Variants in CAMSAP2 observed in about 807,000 individuals in gnomAD.
CAMSAP2 encodes calmodulin regulated spectrin associated protein family member 2.
A neutral mutation model predicts 146.1 loss-of-function variants in CAMSAP2; 26 were observed. The ratio of observed to expected loss-of-function variants is 0.18; its 90% CI spans 0.13 to 0.25. The LOEUF is 0.25. Ranked by LOEUF, CAMSAP2 falls within the 10% of genes least tolerant of loss-of-function variation. The pLI is 1.00. For synonymous variants in CAMSAP2, 499 were observed against 596.6 expected (o/e 0.84, Z 2.38); for missense variants, 1,381 against 1,759.3 (o/e 0.78, Z 3.85).
intron 1 of CAMSAP2, among the ~76,000 whole-genome samples, chr1:200,747,822 C>T (rs1354707168): frequency 6.6e-6 from 1 of 151,794 alleles, no homozygotes; most frequent in Non-Finnish European, 1.5e-5. Context: ...CATCCCGGTA[C>T]TAAAAATACA....
intron 2 of CAMSAP2, among the ~76,000 whole-genome samples, chr1:200,806,890 C>T (rs1424259434): frequency 1.3e-5 from 2 of 151,850 alleles, no homozygotes; most frequent in Non-Finnish European, 2.9e-5. Context: ...AAGTTGGAGG[C>T]AGGAAAACCA....
At chr1:200,754,093 C>T (rs1664582009) in intron 1 of CAMSAP2, among the ~76,000 whole-genome samples, 1 of 152,222 alleles carries the variant, frequency 6.6e-6, no homozygotes, top group Non-Finnish European at 1.5e-5. Flanking sequence ...TTCCCAGTAC[C>T]TGCAAAATGT....
intron 3 of CAMSAP2, 113 bp from the exon 4 acceptor site, chr1:200,815,448 T>A (rs1666455433): frequency 2.1e-6 from 1 of 479,824 alleles, no homozygotes; most frequent in East Asian, 3.5e-5. Context: ...AGACTGATAT[T>A]TGACATCAGG....
intron 1 of CAMSAP2, among the ~76,000 whole-genome samples, chr1:200,746,573 G>A (rs1360223694): frequency 6.6e-6 from 1 of 152,012 alleles, no homozygotes; most frequent in African/African-American, 2.4e-5. Context: ...AGAGCTATAA[G>A]TGGTAATTAA....
At chr1:200,827,627 C>G (rs1462779434) in intron 4 of CAMSAP2, among the ~76,000 whole-genome samples, 1 of 152,006 alleles carries the variant, frequency 6.6e-6, no homozygotes, top group Non-Finnish European at 1.5e-5. Context: ...GTTTCTGATT[C>G]TTCAGGTGAC....
intron 1 of CAMSAP2, among the ~76,000 whole-genome samples, chr1:200,745,182 C>CCTGTGCATTCTAGG: frequency 6.6e-6 from 1 of 152,168 alleles, no homozygotes; most frequent in African/African-American, 2.4e-5. Flanking sequence ...TGGGGGCTGT[C>CCTGTGCATTCTAGG]CTGTGCATTC....
chr1:200,768,569 TAGG>T (rs1665023483), intron 2 of CAMSAP2, among the ~76,000 whole-genome samples: 1 of 152,146 alleles, frequency 6.6e-6, no homozygotes. Flanking sequence ...AGATACCACT[TAGG>T]AGGCTGTTGA....
chr1:200,754,809 C>G (rs1442889950), intron 1 of CAMSAP2, among the ~76,000 whole-genome samples: 1 of 152,096 alleles, frequency 6.6e-6, no homozygotes, highest in Non-Finnish European at 1.5e-5. Context: ...GTCTCTATCT[C>G]CTGACCTTGT....
intron 2 of CAMSAP2, among the ~76,000 whole-genome samples, chr1:200,791,060 G>T (rs191188985): frequency 6.6e-6 from 1 of 152,094 alleles, no homozygotes; most frequent in Non-Finnish European, 1.5e-5. Context: ...GGTCAGGCTG[G>T]TCTCGAATCC....
intron 2 of CAMSAP2, among the ~76,000 whole-genome samples, chr1:200,802,534 A>T (rs1299177788): frequency 6.6e-6 from 1 of 152,248 alleles, no homozygotes; most frequent in East Asian, 1.9e-4. Context: ...AATATGCAGT[A>T]TGTACCATTT....
intron 12 of CAMSAP2, 68 bp downstream of exon 12, chr1:200,852,745 T>C (rs890640768): frequency 6.6e-7 from 1 of 1,508,570 alleles, no homozygotes; most frequent in Non-Finnish European, 8.9e-7. Context: ...TTAGAAAAAG[T>C]TGGTAAGTAC....
intron 4 of CAMSAP2, among the ~76,000 whole-genome samples, chr1:200,817,828 TC>T (rs145801230): frequency 2.8e-3 from 425 of 152,356 alleles, no homozygotes; most frequent in African/African-American, 9.4e-3. Flanking sequence ...TTGTGCTTAA[TC>T]CTTCATTCTA....
rs776905776 is a variant in CAMSAP2 at position 200,849,466 on chromosome 1, A to G, written c.2697A>G (p.Gln899=). The G allele has an allele frequency of 5.6e-6, 9 of 1,614,114 alleles. No homozygotes were observed. Among genetic ancestry groups the G allele is most frequent in the Admixed American group, 1.7e-5 (1 of 60,010 alleles). ...TGCATTTTCTACAACAAGAAATGCA[A>G]CGCTTGTCACTTCAGCAGGAGATGT... The part of the protein sequence containing the change: ...SSLHFLQQEM[Q]RLSLQQEMLM... The change falls in exon 11 of 17, where the codon CAA becomes CAG. Residue 899 remains glutamine, a synonymous_variant. Coordinates refer to ENST00000358823, the MANE Select transcript of CAMSAP2 (RefSeq NM_203459.4). This position sits in a 1 kb window ranked among gnomAD's most constrained non-coding sequence, Gnocchi z 6.3.
intron 2 of CAMSAP2, among the ~76,000 whole-genome samples, chr1:200,801,871 C>T (rs7550385): frequency 2.8e-3 from 425 of 152,078 alleles, no homozygotes; most frequent in African/African-American, 9.4e-3. Context: ...GTCTTAGTAC[C>T]TTATTTATTT....
chr1:200,786,798 T>G (rs1260301827), intron 2 of CAMSAP2, among the ~76,000 whole-genome samples: 1 of 152,124 alleles, frequency 6.6e-6, no homozygotes, highest in African/African-American at 2.4e-5. Context: ...AAAGGACAGG[T>G]TGACTGTTTT....
chr1:200,746,130 G>C (rs150043051), intron 1 of CAMSAP2, among the ~76,000 whole-genome samples: 254 of 152,296 alleles, frequency 1.7e-3, no homozygotes, highest in African/African-American at 6.1e-3. Context: ...CTTAAAAATG[G>C]TTAAAATAGT....
intron 7 of CAMSAP2, among the ~76,000 whole-genome samples, chr1:200,842,996 A>C (rs997584944): frequency 6.6e-6 from 1 of 151,826 alleles, no homozygotes; most frequent in Non-Finnish European, 1.5e-5. Context: ...GAAAAAAAAA[A>C]AAAACTAGAG....
chr1:200,777,502 G>A (rs754151195), intron 2 of CAMSAP2, among the ~76,000 whole-genome samples: 22 of 152,054 alleles, frequency 1.4e-4, no homozygotes, highest in South Asian at 2.1e-4. Context: ...GAGATAAATC[G>A]TATTGAACAA....
chr1:200,814,089 C>G (rs1368728553), intron 3 of CAMSAP2, among the ~76,000 whole-genome samples: 3 of 102,664 alleles, frequency 2.9e-5, no homozygotes, highest in Non-Finnish European at 5.2e-5. Context: ...GCCTGGCTGA[C>G]AGAGTGAGAC....
Sources: allele counts gnomAD v4.1 joint callset (sites outside exome capture counted in the v4.1 genomes callset), GRCh38; gene constraint gnomAD v4.1.1; non-coding constraint Gnocchi (gnomAD v3.1); transcripts MANE v1.5; gene names NCBI Gene and HGNC (gene_info 2026-07-23, HGNC 2026-07-21).